Variants in PUDP observed in about 807,000 individuals in gnomAD.
PUDP encodes the protein pseudouridine 5'-phosphatase, also known as pseudouridine-5'-phosphatase.
A neutral mutation model predicts 9.4 loss-of-function variants in PUDP; 8 were observed. The ratio of observed to expected loss-of-function variants is 0.85; its 90% CI spans 0.50 to 1.53. The LOEUF is 1.53. Among genes scored for constraint, PUDP ranks in the 40% most tolerant of loss-of-function variants. The pLI, the probability that PUDP is intolerant of heterozygous loss-of-function variation, is 0.00. For synonymous variants in PUDP, 99 were observed against 80.7 expected (o/e 1.23, Z -1.22); for missense variants, 188 against 189.7 (o/e 0.99, Z 0.05).
At position 6,994,788 on chromosome X, in the gene PUDP, C is replaced by T. The variant is rs141188400; in HGVS notation, c.205-16445G>A. Among the ~76,000 whole-genome samples the T allele has an allele frequency of 4.0e-3, 440 of 111,186 alleles. 5 individuals carry two copies. Among genetic ancestry groups the T allele is most frequent in the Admixed American group, 0.025 (263 of 10,438 alleles). ...AAAAGAGTTAATTTTTTCACCCTAT[C>T]GAAAAAACATAATGGAGTTTCTTTT... On this transcript the variant is annotated intron_variant and NMD_transcript_variant, in intron 1 of 3. Transcript: ENST00000655425.
chrX:6,893,324 C>T (rs1927542702), intron 3 of PUDP, among the ~76,000 whole-genome samples: 1 of 111,440 alleles, frequency 9.0e-6, no homozygotes. Context: ...TAAACAAATG[C>T]CCTGGAGAAG....
At chrX:7,045,726 T>C (rs940418773), downstream of PUDP, among the ~76,000 whole-genome samples, 4 of 110,629 alleles carry the variant, frequency 3.6e-5, no homozygotes, top group Non-Finnish European at 7.6e-5. Flanking sequence ...ATCTAAAAAG[T>C]CCAAACAAGA....
intron 3 of PUDP, among the ~76,000 whole-genome samples, chrX:6,729,719 C>T (rs190160404): frequency 1.2e-4 from 13 of 111,253 alleles, no homozygotes; most frequent in Non-Finnish European, 1.9e-4. Context: ...GTTACACGCC[C>T]GGACACGCCA....
At chrX:6,986,493 A>T (rs1929105141) in intron 1 of PUDP, among the ~76,000 whole-genome samples, 1 of 111,585 alleles carries the variant, frequency 9.0e-6, no homozygotes, top group Non-Finnish European at 1.9e-5. Flanking sequence ...ACCACAGCAG[A>T]TGACAATCGC....
chrX:6,848,449 T>TA (rs1362436300), intron 3 of PUDP, among the ~76,000 whole-genome samples: 1 of 112,555 alleles, frequency 8.9e-6, no homozygotes, highest in East Asian at 2.8e-4. Context: ...TTACGGATTT[T>TA]ATCTGGCTTA....
At chrX:6,897,321 T>C (rs1191709682) in intron 3 of PUDP, among the ~76,000 whole-genome samples, 1 of 112,421 alleles carries the variant, frequency 8.9e-6, no homozygotes, top group Non-Finnish European at 1.9e-5. Flanking sequence ...CTTGTGTGTG[T>C]GTGTGCACTG....
intron 3 of PUDP, among the ~76,000 whole-genome samples, chrX:6,809,947 G>T (rs1926115326): frequency 9.0e-6 from 1 of 110,694 alleles, no homozygotes; most frequent in Non-Finnish European, 1.9e-5. Context: ...GAGTTTGCTG[G>T]CATGCACCTG....
At chrX:6,924,097 G>C (rs1928065156) in intron 3 of PUDP, among the ~76,000 whole-genome samples, 1 of 111,037 alleles carries the variant, frequency 9.0e-6, no homozygotes, top group African/African-American at 3.3e-5. Flanking sequence ...GACACGTTGT[G>C]CAAAATGTCA....
At chrX:6,997,126 C>T (rs944054192) in intron 1 of PUDP, among the ~76,000 whole-genome samples, 1 of 112,102 alleles carries the variant, frequency 8.9e-6, no homozygotes, top group East Asian at 2.8e-4. Context: ...GAGGGCAGGG[C>T]TGGGTTGTGT....
chrX:7,124,096 A>G (rs764081222), intron 1 of PUDP, among the ~76,000 whole-genome samples: 1 of 112,265 alleles, frequency 8.9e-6, no homozygotes, highest in African/African-American at 3.2e-5. Flanking sequence ...CAGAATATAC[A>G]TTATTCTTAA....
intron 3 of PUDP, among the ~76,000 whole-genome samples, chrX:6,728,333 G>A (rs938973000): frequency 1.7e-4 from 19 of 110,407 alleles, no homozygotes; most frequent in African/African-American, 4.6e-4. Context: ...GTCCAGCCTC[G>A]GCAACATAGA....
chrX:7,126,187 C>A (rs1358933541), intron 1 of PUDP, among the ~76,000 whole-genome samples: 1 of 111,805 alleles, frequency 8.9e-6, no homozygotes, highest in Non-Finnish European at 1.9e-5. Flanking sequence ...AGGAATATTT[C>A]TTTAGCTGTT....
upstream of PUDP, among the ~76,000 whole-genome samples, chrX:6,722,068 G>A (rs1924680225): frequency 9.1e-6 from 1 of 110,376 alleles, no homozygotes; most frequent in South Asian, 3.9e-4. Flanking sequence ...ACAAGCAATT[G>A]TGTGTAGAAA....
intron 3 of PUDP, among the ~76,000 whole-genome samples, chrX:6,929,935 G>T (rs1928163126): frequency 1.8e-5 from 2 of 111,175 alleles, no homozygotes; most frequent in Admixed American, 9.6e-5. Flanking sequence ...ATATGATAGG[G>T]CTGTGTTACT....
At chrX:6,868,748 G>C (rs1927127837) in intron 3 of PUDP, among the ~76,000 whole-genome samples, 2 of 111,745 alleles carry the variant, frequency 1.8e-5, no homozygotes, top group Admixed American at 1.9e-4. Flanking sequence ...GCAGAAAATA[G>C]ACTTTTTCTG....
intron 1 of PUDP, among the ~76,000 whole-genome samples, chrX:7,143,628 G>C (rs1361954595): frequency 4.5e-5 from 5 of 112,178 alleles, no homozygotes; most frequent in Non-Finnish European, 5.6e-5. Context: ...TTAGAAAACA[G>C]AACCAAACGG....
intron 3 of PUDP, among the ~76,000 whole-genome samples, chrX:6,927,172 G>A (rs2146767231): frequency 9.1e-6 from 1 of 109,484 alleles, no homozygotes; most frequent in Admixed American, 9.8e-5. Context: ...GAGCTCAAGC[G>A]ATCCTCCCAC....
intron 3 of PUDP, among the ~76,000 whole-genome samples, chrX:6,770,709 C>A (rs1239615547): frequency 9.0e-6 from 1 of 111,498 alleles, no homozygotes; most frequent in African/African-American, 3.3e-5. Flanking sequence ...GCGTTTCACA[C>A]CACCAATTCA....
At chrX:6,883,903 C>T (rs774143402) in intron 3 of PUDP, among the ~76,000 whole-genome samples, 1 of 111,584 alleles carries the variant, frequency 9.0e-6, no homozygotes, top group Non-Finnish European at 1.9e-5. Flanking sequence ...TGCAGCGGCA[C>T]GATCTCGGCT....
Sources: allele counts gnomAD v4.1 joint callset (sites outside exome capture counted in the v4.1 genomes callset), GRCh38; gene constraint gnomAD v4.1.1; transcripts MANE v1.5; gene names NCBI Gene and HGNC (gene_info 2026-07-23, HGNC 2026-07-21).